Variants in PTPRN2 observed in about 807,000 individuals in gnomAD.
The protein encoded by PTPRN2 is protein tyrosine phosphatase receptor type N2.
In PTPRN2, 74 loss-of-function variants were observed where a neutral mutation model predicts 118.8. The ratio of observed to expected loss-of-function variants is 0.62; its 90% confidence interval spans 0.52 to 0.76. PTPRN2 has a LOEUF of 0.76. Ranked by LOEUF, PTPRN2 falls within the 30% of genes least tolerant of loss-of-function variation. The pLI is 0.00. For synonymous variants in PTPRN2, 641 were observed against 608.0 expected (o/e 1.05, Z -0.80); for missense variants, 1,481 against 1,394.4 (o/e 1.06, Z -0.99).
chr7:158,071,601 G>GTA (rs1554528539), intron 11 of PTPRN2, among the ~76,000 whole-genome samples: 1 of 112,084 alleles, frequency 8.9e-6, no homozygotes, highest in Non-Finnish European at 1.9e-5. Context: ...GGTGCTCCTG[G>GTA]TGGAGGTGCT....
rs929644249 is a variant in PTPRN2 at position 157,974,629 on chromosome 7, G to A, written c.1724-75892C>T. Among the ~76,000 whole-genome samples, 7 of 150,874 alleles carry A rather than the reference G, an allele frequency of 4.6e-5. No homozygotes were observed. Among genetic ancestry groups the A allele is most frequent in the African/African-American group, 1.7e-4 (7 of 40,938 alleles). On this transcript the variant is annotated intron_variant, in intron 11 of 22. Transcript: ENST00000389418. This position sits in a 1 kb window ranked among gnomAD's most constrained non-coding sequence, Gnocchi z 4.0. ...ACCTCAGCGGGTGATGGCAGTGGGA[G>A]CCTGGGCAGGGGCGGGCAGGGCTCT... is the stretch of plus-strand genomic sequence containing the variant.
intron 3 of PTPRN2, among the ~76,000 whole-genome samples, chr7:158,313,215 GAC>G (rs1189550260): frequency 6.6e-6 from 1 of 152,170 alleles, no homozygotes; most frequent in Non-Finnish European, 1.5e-5. Flanking sequence ...TCCTGGACTA[GAC>G]ACACCAATGG....
At position 158,482,083 on chromosome 7, in the gene PTPRN2, C is replaced by T. The variant is rs188796770; in HGVS notation, c.163+7652G>A. Among the ~76,000 whole-genome samples the T allele has an allele frequency of 2.7e-3, 414 of 152,284 alleles. 1 individual carries two copies. The highest frequency in any genetic ancestry group is 4.5e-3 in the Non-Finnish European group (307 of 68,028). On this transcript the variant is annotated intron_variant, in intron 2 of 22. Transcript: ENST00000389418. ...GAAGATGTGACCAAATTGCCACAAT[C>T]TCATGATAAAACTTTAACAGGTGAG...
At position 158,324,077 on chromosome 7, in the gene PTPRN2, A is replaced by C. The variant is rs80335744; in HGVS notation, c.164-7145T>G. Reference sequence around the variant, plus strand: ...CAAACGTGCACACACACACACACACACCCAGACACACTAACTCATATACAG... The same window carrying C: ...CAAACGTGCACACACACACACACACCCCCAGACACACTAACTCATATACAG... On this transcript the variant is annotated intron_variant, in intron 2 of 22. Coordinates refer to ENST00000389418, the MANE Select transcript of PTPRN2 (RefSeq NM_002847.5). Among the ~76,000 whole-genome samples, 646 of 139,808 alleles carry C rather than the reference A, an allele frequency of 4.6e-3. 7 individuals carry two copies. The highest frequency in any genetic ancestry group is 0.016 in the African/African-American group (615 of 37,780). 91.7% of individuals were successfully genotyped at this position (139,808 alleles called of 152,430 possible).
At chr7:158,126,536 G>A (rs370202939) in intron 9 of PTPRN2, among the ~76,000 whole-genome samples, 8 of 83,518 alleles carry the variant, frequency 9.6e-5, no homozygotes, top group African/African-American at 3.8e-4. Flanking sequence ...ACCAGCCCCC[G>A]GAGAGCGGGC....
intron 12 of PTPRN2, among the ~76,000 whole-genome samples, chr7:157,701,264 G>A (rs1040276963): frequency 6.6e-6 from 1 of 152,150 alleles, no homozygotes. Flanking sequence ...GTTTCACAGG[G>A]GAGAGCTCCG....
chr7:158,379,955 C>T (rs1470845889), intron 2 of PTPRN2, among the ~76,000 whole-genome samples: 2 of 152,070 alleles, frequency 1.3e-5, no homozygotes, highest in African/African-American at 4.8e-5. Flanking sequence ...GGGAAACTCC[C>T]CCTTATAAAA....
At chr7:158,516,912 G>A (rs1823617672) in intron 1 of PTPRN2, among the ~76,000 whole-genome samples, 1 of 152,088 alleles carries the variant, frequency 6.6e-6, no homozygotes, top group African/African-American at 2.4e-5. Flanking sequence ...GCTGTTCTTG[G>A]TGTTTCTGCT....
At position 157,663,208 on chromosome 7, in the gene PTPRN2, GCGAACAGCGCA is replaced by G. The variant is rs1438554521; in HGVS notation, c.2002-6668_2002-6658del. On this transcript the variant is annotated intron_variant, in intron 13 of 22. Transcript: ENST00000389418. Reference sequence around the variant, plus strand: ...GCAGGTACGGCAGGGGTGGCAAGGGGCGAACAGCGCACCAGGCCCGCGAGGAGGTCACTGAG... The same window carrying G: ...GCAGGTACGGCAGGGGTGGCAAGGGGCCAGGCCCGCGAGGAGGTCACTGAG... 8.5e-5 allele frequency among the ~76,000 whole-genome samples: 13 copies of G among 152,256 alleles called. No individual in the cohort carries two copies. In the South Asian group the frequency reaches 2.3e-3, roughly 27 times the overall value.
chr7:157,745,907 A>C (rs1800896077), intron 12 of PTPRN2, among the ~76,000 whole-genome samples: 1 of 152,054 alleles, frequency 6.6e-6, no homozygotes, highest in Non-Finnish European at 1.5e-5. Flanking sequence ...TGGAGATCAC[A>C]GGACTCCCTA....
rs1301691163 is a variant in PTPRN2, at chr7:158,205,186, G to A, written c.365C>T (p.Ala122Val). ...LPKTYLRRPEASSPARPSKHS... is the reference protein window; with the variant it reads ...LPKTYLRRPEVSSPARPSKHS... Reference sequence around the variant, plus strand: ...CCACACTTACCTGGCTGGGCTGGATGCTTCAGGACGCCTCAGGTAGGTTTT... The same window carrying A: ...CCACACTTACCTGGCTGGGCTGGATACTTCAGGACGCCTCAGGTAGGTTTT... The change falls in exon 4 of 23, where the codon GCA becomes GTA. Residue 122 changes from alanine (A) to valine (V), a missense_variant. By Grantham distance (64) the Ala-to-Val change is moderately conservative. Coordinates refer to ENST00000389418, the MANE Select transcript of PTPRN2 (RefSeq NM_002847.5). The A allele has an allele frequency of 4.3e-6, 7 of 1,613,780 alleles. No individual in the cohort carries two copies. Among genetic ancestry groups the A allele is most frequent in the African/African-American group, 2.7e-5 (2 of 74,928 alleles).
intron 13 of PTPRN2, among the ~76,000 whole-genome samples, chr7:157,658,281 C>A (rs1304760811): frequency 6.6e-6 from 1 of 152,210 alleles, no homozygotes; most frequent in African/African-American, 2.4e-5. Flanking sequence ...TCTGACGTTT[C>A]TTTCTCTTTC....
chr7:158,029,247 G>A (rs9801601), intron 11 of PTPRN2: 110,752 of 149,716 alleles, frequency 0.74, 41,954 homozygotes, highest in Non-Finnish European at 0.83. Flanking sequence ...TCCTCTCGCC[G>A]GGGGCACGGG....
At chr7:158,441,528 GATGGTAATA>G (rs1817214729) in intron 2 of PTPRN2, among the ~76,000 whole-genome samples, 1 of 142,984 alleles carries the variant, frequency 7.0e-6, no homozygotes, top group Non-Finnish European at 1.5e-5. Context: ...CAGTGGTGGT[GATGGTAATA>G]GTGATGGTGA....
At chr7:158,170,341 T>A (rs1823424385) in intron 5 of PTPRN2, among the ~76,000 whole-genome samples, 1 of 152,172 alleles carries the variant, frequency 6.6e-6, no homozygotes, top group South Asian at 2.1e-4. Context: ...TGCCTGCAAG[T>A]GGCTTTCCCC....
chr7:157,691,067 TCC>T (rs1279163589), intron 12 of PTPRN2, among the ~76,000 whole-genome samples: 1,059 of 44,464 alleles, frequency 0.024, 20 homozygotes, highest in African/African-American at 0.056. Flanking sequence ...TATAGCGATG[TCC>T]CCCCCCCCCC....
chr7:157,626,365 A>G (rs1397268724), intron 14 of PTPRN2, among the ~76,000 whole-genome samples: 3 of 152,156 alleles, frequency 2.0e-5, no homozygotes, highest in Non-Finnish European at 4.4e-5. Context: ...ATCCCATAAG[A>G]CTGCTTCTCA....
intron 13 of PTPRN2, among the ~76,000 whole-genome samples, chr7:157,681,914 T>C (rs1796932383): frequency 6.6e-6 from 1 of 152,234 alleles, no homozygotes; most frequent in South Asian, 2.1e-4. Context: ...TTTAAAACAG[T>C]GGTTAAGGAG....
At chr7:158,308,297 C>CA (rs1324931553) in intron 3 of PTPRN2, among the ~76,000 whole-genome samples, 1 of 152,096 alleles carries the variant, frequency 6.6e-6, no homozygotes, top group African/African-American at 2.4e-5. Flanking sequence ...CATTCCCAAA[C>CA]AAAAAACAAA....
Sources: gnomAD v4.1 joint callset for allele counts (sites outside exome capture counted in the v4.1 genomes callset) on GRCh38, gnomAD v4.1.1 for gene constraint, Gnocchi (gnomAD v3.1) non-coding constraint, MANE v1.5 for transcripts, NCBI Gene and HGNC (gene_info 2026-07-23, HGNC 2026-07-21) for gene names.